Variants in SHC4 observed in about 807,000 individuals in gnomAD.
SHC4 encodes SHC adaptor protein 4, also known as SHC-transforming protein 4.
SHC4 carries 41 observed loss-of-function variants against 69.4 expected under a neutral mutation model. The observed-to-expected ratio is 0.59, with a 90% CI of 0.46 to 0.77. The LOEUF (loss-of-function observed/expected upper bound fraction) is 0.77, where lower values mean the gene tolerates loss of function less well. Among genes scored for constraint, SHC4 ranks in the 30% least tolerant of loss-of-function variants. The probability of loss-of-function intolerance (pLI) is 0.00; values close to 1 mark genes in which losing one functional copy is unlikely to be tolerated. For synonymous variants in SHC4, 318 were observed against 299.3 expected (o/e 1.06, Z -0.64); for missense variants, 777 against 783.8 (o/e 0.99, Z 0.10).
intron 2 of SHC4, among the ~76,000 whole-genome samples, chr15:48,901,097 T>C (rs554956554): frequency 2.6e-5 from 4 of 152,360 alleles, no homozygotes; most frequent in South Asian, 4.1e-4. Flanking sequence ...ATGATTTTCA[T>C]GTGTCACAAA....
At position 48,909,376 on chromosome 15, in the gene SHC4, G is replaced by A. The variant is rs147912120; in HGVS notation, c.656+15503C>T. 1.3e-3 allele frequency among the ~76,000 whole-genome samples: 192 copies of A among 151,460 alleles called. 2 individuals are homozygous for A. The highest frequency in any genetic ancestry group is 4.3e-3 in the African/African-American group (179 of 41,232). ...ACTGTTGATATATAGAAGACCTACT[G>A]ATCTGTGAATACATTAATCTTGTAT... On this transcript the variant is annotated intron_variant, in intron 2 of 11. Transcript: ENST00000332408.
chr15:48,840,018 G>A (rs932464702), intron 10 of SHC4, among the ~76,000 whole-genome samples: 2 of 152,078 alleles, frequency 1.3e-5, no homozygotes, highest in African/African-American at 4.8e-5. Flanking sequence ...GCCACTTCTG[G>A]GTCACATCCT....
chr15:48,899,763 G>A (rs1272395570), intron 2 of SHC4, among the ~76,000 whole-genome samples: 1 of 152,174 alleles, frequency 6.6e-6, no homozygotes, highest in Non-Finnish European at 1.5e-5. Flanking sequence ...CACATCCACA[G>A]AGAGTACACC....
chr15:48,828,674 C>A (rs187712272), intron 11 of SHC4, among the ~76,000 whole-genome samples: 31 of 152,204 alleles, frequency 2.0e-4, no homozygotes, highest in Admixed American at 1.5e-3. Flanking sequence ...TATTTTCTTC[C>A]TCTTTTTAAA....
chr15:48,872,405 A>C (rs955520026), intron 4 of SHC4, among the ~76,000 whole-genome samples: 4 of 152,222 alleles, frequency 2.6e-5, no homozygotes, highest in African/African-American at 9.6e-5. Flanking sequence ...CTCTCTGGAT[A>C]CAGCAGAGCC....
intron 2 of SHC4, among the ~76,000 whole-genome samples, chr15:48,918,235 T>G (rs767920269): frequency 1.3e-5 from 2 of 151,902 alleles, no homozygotes; most frequent in Non-Finnish European, 2.9e-5. Context: ...CCCCCATATG[T>G]TAACTGGATG....
At position 48,962,782 on chromosome 15, in the gene SHC4, C is replaced by A; in HGVS notation, c.234G>T (p.Glu78Asp). 6.2e-7 allele frequency: 1 copy of A among 1,612,466 alleles called. No individual in the cohort carries two copies. Among genetic ancestry groups the A allele is most frequent in the Non-Finnish European group, 8.5e-7 (1 of 1,179,858 alleles). ...TCAAGGTGCACAGTGGGGTGGGGCT[C>A]TCCTGCGACGGCAAGGTGGCATCTT... ...PTEDATLPSQ[E>D]SPTPLCTLIP... The change falls in exon 1 of 12, where the codon GAG (glutamate) becomes GAT (aspartate). Residue 78 changes from glutamate to aspartate, a missense_variant. By Grantham distance (45) the Glu-to-Asp change is conservative. Coordinates refer to ENST00000332408, the MANE Select transcript of SHC4 (RefSeq NM_203349.4).
chr15:48,866,047 C>A (rs753992347), intron 6 of SHC4, among the ~76,000 whole-genome samples: 1 of 152,192 alleles, frequency 6.6e-6, no homozygotes, highest in Non-Finnish European at 1.5e-5. Context: ...CTGTGACTGA[C>A]GGCAAAGTTA....
chr15:48,955,930 G>A (rs72741927), intron 1 of SHC4, among the ~76,000 whole-genome samples: 11,636 of 152,144 alleles, frequency 0.076, 544 homozygotes, highest in Middle Eastern at 0.096. Flanking sequence ...CTGAGCCTTA[G>A]TTTCCTCAAC....
intron 4 of SHC4, chr15:48,877,521 T>A (rs1899831346): frequency 1.0e-6 from 1 of 983,824 alleles, no homozygotes; most frequent in South Asian, 4.7e-5. Flanking sequence ...TGTCAATACA[T>A]AAAGATACAT....
intron 4 of SHC4, chr15:48,879,193 G>A (rs1475365123): frequency 5.9e-6 from 1 of 169,456 alleles, no homozygotes; most frequent in African/African-American, 2.4e-5. Context: ...TGGACTGAAA[G>A]CTTAAGAAAA....
chr15:48,934,614 G>T (rs1332674367), intron 1 of SHC4, among the ~76,000 whole-genome samples: 1 of 152,076 alleles, frequency 6.6e-6, no homozygotes, highest in African/African-American at 2.4e-5. Context: ...CAATAAAATT[G>T]AAAGCATATG....
chr15:48,887,749 T>G (rs534114677), intron 3 of SHC4, among the ~76,000 whole-genome samples: 38 of 152,214 alleles, frequency 2.5e-4, no homozygotes, highest in African/African-American at 8.9e-4. Context: ...CTGACAAACC[T>G]TTAGCTAGAT....
chr15:48,838,142 T>C (rs925609768), intron 10 of SHC4, among the ~76,000 whole-genome samples: 1 of 152,226 alleles, frequency 6.6e-6, no homozygotes, highest in Non-Finnish European at 1.5e-5. Context: ...GAAGATTGTA[T>C]GTTTATACAG....
At chr15:48,836,810 T>C (rs1369299992) in intron 10 of SHC4, among the ~76,000 whole-genome samples, 1 of 152,244 alleles carries the variant, frequency 6.6e-6, no homozygotes, top group Non-Finnish European at 1.5e-5. Flanking sequence ...GGCTTCTTTC[T>C]GCACACAGTT....
intron 6 of SHC4, among the ~76,000 whole-genome samples, chr15:48,867,351 T>G (rs542461430): frequency 3.3e-5 from 5 of 152,294 alleles, no homozygotes; most frequent in African/African-American, 1.2e-4. Flanking sequence ...AAGAGGCATT[T>G]AAGCTGAAAT....
At chr15:48,892,705 T>C (rs1286910936) in intron 2 of SHC4, among the ~76,000 whole-genome samples, 1 of 151,814 alleles carries the variant, frequency 6.6e-6, no homozygotes, top group Non-Finnish European at 1.5e-5. Context: ...GGTCTAAAAA[T>C]ACAAAAAATT....
At chr15:48,943,675 A>T (rs34418609) in intron 1 of SHC4, among the ~76,000 whole-genome samples, 28,562 of 152,054 alleles carry the variant, frequency 0.19, 3,232 homozygotes, top group Non-Finnish European at 0.25. Flanking sequence ...AAGAACCTCC[A>T]TATTGTTTTC....
intron 9 of SHC4, among the ~76,000 whole-genome samples, chr15:48,850,547 C>G (rs1005452545): frequency 6.6e-6 from 1 of 152,162 alleles, no homozygotes; most frequent in African/African-American, 2.4e-5. Flanking sequence ...GCAAAACTTT[C>G]CTTCCTGAAG....
Sources: allele counts gnomAD v4.1 joint callset (sites outside exome capture counted in the v4.1 genomes callset), GRCh38; gene constraint gnomAD v4.1.1; transcripts MANE v1.5; gene names NCBI Gene and HGNC (gene_info 2026-07-23, HGNC 2026-07-21).